The following RIC1 variants were observed in gnomAD, a reference collection of about 807,000 sequenced individuals.
RIC1 encodes RIC1 partner of RAB6A GEF complex.
Under a neutral mutation model 169.0 loss-of-function variants are expected in RIC1, and 88 were observed. The observed-to-expected ratio is 0.52, with a 90% confidence interval of 0.44 to 0.62. RIC1 has a LOEUF of 0.62. RIC1 is among the 20% of genes least tolerant of loss of function. The pLI is 0.00. For synonymous variants in RIC1, 790 were observed against 601.5 expected (o/e 1.31, Z -4.59); for missense variants, 1,877 against 1,725.5 (o/e 1.09, Z -1.56).
At chr9:5,630,133 G>A (rs1321991069) in intron 1 of RIC1, among the ~76,000 whole-genome samples, 1 of 152,122 alleles carries the variant, frequency 6.6e-6, no homozygotes, top group East Asian at 1.9e-4. Flanking sequence ...TATAACACCT[G>A]GAAATAATAA....
intron 1 of RIC1, among the ~76,000 whole-genome samples, chr9:5,635,226 C>T (rs920309679): frequency 5.3e-5 from 8 of 152,172 alleles, no homozygotes; most frequent in Non-Finnish European, 1.2e-4. Context: ...GTGATCTGCC[C>T]ATCTCAGCCT....
intron 17 of RIC1, among the ~76,000 whole-genome samples, chr9:5,762,074 A>G (rs1460341033): frequency 6.6e-6 from 1 of 152,148 alleles, no homozygotes; most frequent in Admixed American, 6.5e-5. Context: ...CTTTGTTCTC[A>G]TAATGTCCCT....
chr9:5,777,727 T>A (rs373890473), downstream of RIC1, among the ~76,000 whole-genome samples: 32 of 152,302 alleles, frequency 2.1e-4, no homozygotes, highest in African/African-American at 7.5e-4. Flanking sequence ...TATTCAATTG[T>A]CAGAGCACCA....
At chr9:5,652,259 A>G (rs558294471) in intron 1 of RIC1, among the ~76,000 whole-genome samples, 2 of 152,264 alleles carry the variant, frequency 1.3e-5, no homozygotes, top group East Asian at 3.9e-4. Context: ...TATCATTGGT[A>G]TTTTGGTAGG....
chr9:5,758,253 C>G (rs1324521729), intron 17 of RIC1, among the ~76,000 whole-genome samples: 4 of 152,134 alleles, frequency 2.6e-5, no homozygotes, highest in Non-Finnish European at 5.9e-5. Context: ...GCGACCAGGA[C>G]CCACGTTGCA....
chr9:5,756,325 A>G lies in RIC1; in HGVS notation c.1806A>G (p.Arg602=). The G allele has an allele frequency of 6.3e-7, 1 of 1,582,866 alleles. No homozygotes were observed. Among genetic ancestry groups the G allele is most frequent in the Non-Finnish European group, 8.6e-7 (1 of 1,161,308 alleles). The part of the protein sequence containing the change: ...SVFQDMVIVF[R]ADCSICLYSI... ...TCCAGGACATGGTAATAGTATTTAG[A>G]GCAGACTGTTCAATATGCCTTTACA... is the stretch of plus-strand genomic sequence containing the variant. Residue 602 remains arginine, a synonymous_variant, in exon 16 of 26, where the codon AGA becomes AGG. Coordinates refer to ENST00000414202, the MANE Select transcript of RIC1 (RefSeq NM_020829.4).
intron 1 of RIC1, among the ~76,000 whole-genome samples, chr9:5,651,357 G>T (rs1818789809): frequency 6.7e-6 from 1 of 148,166 alleles, no homozygotes; most frequent in Non-Finnish European, 1.5e-5. Context: ...CCCTGTTTGG[G>T]TTTTTTTTTT....
chr9:5,647,197 A>C (rs1034618208), intron 1 of RIC1, among the ~76,000 whole-genome samples: 2 of 152,178 alleles, frequency 1.3e-5, no homozygotes, highest in Middle Eastern at 3.2e-3. Flanking sequence ...CCAGTACGAC[A>C]GTATTTTGAT....
intron 1 of RIC1, among the ~76,000 whole-genome samples, chr9:5,630,106 T>C (rs372620116): frequency 1.3e-5 from 2 of 152,182 alleles, no homozygotes; most frequent in East Asian, 1.9e-4. Context: ...CTCAAATCTG[T>C]CCGCGGAACT....
At chr9:5,663,067 C>A (rs997229381) in intron 2 of RIC1, among the ~76,000 whole-genome samples, 3 of 152,316 alleles carry the variant, frequency 2.0e-5, no homozygotes, top group African/African-American at 7.2e-5. Flanking sequence ...TTCTTGATTT[C>A]TGCCTTAATT....
At chr9:5,704,043 T>G (rs942668650) in intron 3 of RIC1, among the ~76,000 whole-genome samples, 11 of 64,370 alleles carry the variant, frequency 1.7e-4, no homozygotes, top group Admixed American at 4.5e-4. Flanking sequence ...ATTTTCTGGG[T>G]TTTTTTTTTT....
chr9:5,706,684 T>C (rs1822607876), intron 3 of RIC1, among the ~76,000 whole-genome samples: 1 of 152,212 alleles, frequency 6.6e-6, no homozygotes, highest in Non-Finnish European at 1.5e-5. Flanking sequence ...GAAATTTGTG[T>C]GTTTCTAGGA....
At chr9:5,712,347 T>C (rs928493729) in intron 3 of RIC1, among the ~76,000 whole-genome samples, 1 of 152,222 alleles carries the variant, frequency 6.6e-6, no homozygotes, top group South Asian at 2.1e-4. Flanking sequence ...CATTTTTTCA[T>C]GTGTCTGTTA....
chr9:5,768,882 G>A (rs1826991684), intron 21 of RIC1, 88 bp from the exon 22 acceptor site: 12 of 1,383,734 alleles, frequency 8.7e-6, no homozygotes, highest in African/African-American at 1.4e-5. Flanking sequence ...TTATCTCCTT[G>A]TCAGCTTTAT....
intron 7 of RIC1, among the ~76,000 whole-genome samples, chr9:5,736,939 G>A (rs956307905): frequency 6.6e-6 from 1 of 151,468 alleles, no homozygotes; most frequent in South Asian, 2.1e-4. Context: ...GGATGGGAAT[G>A]GATCAAAGCT....
At chr9:5,706,192 C>T (rs1216085074) in intron 3 of RIC1, among the ~76,000 whole-genome samples, 1 of 152,136 alleles carries the variant, frequency 6.6e-6, no homozygotes, top group Non-Finnish European at 1.5e-5. Flanking sequence ...GGGATGGTGG[C>T]TTAACGCCTG....
At chr9:5,676,663 C>G (rs1291907351) in intron 2 of RIC1, among the ~76,000 whole-genome samples, 1 of 152,112 alleles carries the variant, frequency 6.6e-6, no homozygotes, top group Non-Finnish European at 1.5e-5. Context: ...CTCACTGGCA[C>G]TTTTTTAATG....
intron 17 of RIC1, among the ~76,000 whole-genome samples, chr9:5,761,802 A>G (rs1465759845): frequency 3.9e-5 from 6 of 152,206 alleles, no homozygotes; most frequent in African/African-American, 1.4e-4. Context: ...ATAATGGTTT[A>G]AGTTGCGTGA....
At chr9:5,735,159 A>C (rs1402644446) in intron 7 of RIC1, among the ~76,000 whole-genome samples, 1 of 151,912 alleles carries the variant, frequency 6.6e-6, no homozygotes, top group African/African-American at 2.4e-5. Context: ...GTCTGAGTCG[A>C]TTCTTTATAG....
Sources: allele counts gnomAD v4.1 joint callset (sites outside exome capture counted in the v4.1 genomes callset), GRCh38; gene constraint gnomAD v4.1.1; transcripts MANE v1.5; gene names NCBI Gene and HGNC (gene_info 2026-07-23, HGNC 2026-07-21).